The following B4GALT4 variants were observed in gnomAD, a reference collection of about 807,000 sequenced individuals.
B4GALT4 encodes the protein beta-1,4-galactosyltransferase 4.
Under a neutral mutation model 37.3 loss-of-function variants are expected in B4GALT4, and 27 were observed. The ratio of observed to expected loss-of-function variants is 0.72; its 90% CI spans 0.53 to 1.00. B4GALT4 has a LOEUF of 1.00. B4GALT4 is among the 50% of genes least tolerant of loss of function. The pLI is 0.00. For missense variants in B4GALT4, 372 were observed against 413.1 expected, an observed-to-expected ratio of 0.90 and a Z score of 0.86; for synonymous variants, 148 against 154.1, an observed-to-expected ratio of 0.96 and a Z score of 0.29.
intron 6 of B4GALT4, among the ~76,000 whole-genome samples, chr3:119,217,560 G>A (rs1240191243): frequency 6.6e-6 from 1 of 152,200 alleles, no homozygotes; most frequent in East Asian, 1.9e-4. Context: ...TTCCTTTCCA[G>A]CCAGGCACAG....
Position 119,212,704 on chromosome 3 carries a change from T to C in B4GALT4, c.903-23A>G, listed in dbSNP as rs891168711. ...ATCCTAAAGATAAAAAGAACAAATG[T>C]GAATGATAAGAATTTAACATATGTC... On this transcript the variant is annotated intron_variant, in intron 7 of 7. Transcript: ENST00000393765. 1.5e-5 allele frequency: 23 copies of C among 1,566,954 alleles called. No homozygotes were observed. In the Admixed American group the frequency reaches 4.3e-4, roughly 29 times the overall value.
chr3:119,220,723 A>T (rs1013683889), intron 5 of B4GALT4, among the ~76,000 whole-genome samples: 1 of 152,206 alleles, frequency 6.6e-6, no homozygotes, highest in Non-Finnish European at 1.5e-5. Flanking sequence ...TTGTCTCTCC[A>T]CGCCTGTAAT....
At chr3:119,216,202 G>C in intron 7 of B4GALT4, 38 bp downstream of exon 7, 1 of 1,498,066 alleles carries the variant, frequency 6.7e-7, no homozygotes, top group Non-Finnish European at 9.2e-7. Context: ...GAACAGACTA[G>C]GGAGGTAGCC....
At chr3:119,220,802 C>T (rs1325655329) in intron 5 of B4GALT4, among the ~76,000 whole-genome samples, 1 of 152,130 alleles carries the variant, frequency 6.6e-6, no homozygotes, top group Non-Finnish European at 1.5e-5. Context: ...CTGGCTAACA[C>T]TGCGAAACCC....
intron 5 of B4GALT4, among the ~76,000 whole-genome samples, chr3:119,220,560 G>C (rs969630615): frequency 6.6e-6 from 1 of 152,164 alleles, no homozygotes; most frequent in Admixed American, 6.5e-5. Context: ...GATTCAAATA[G>C]GCAGAAAAAT....
intron 5 of B4GALT4, 66 bp from the exon 6 acceptor site, chr3:119,218,838 G>A (rs983282974): frequency 2.5e-6 from 4 of 1,585,946 alleles, no homozygotes; most frequent in African/African-American, 1.3e-5. Flanking sequence ...TTTCAGGGCT[G>A]GCGTTCTAGG....
intron 2 of B4GALT4, among the ~76,000 whole-genome samples, chr3:119,231,517 A>G (rs1004639016): frequency 2.0e-5 from 3 of 152,106 alleles, no homozygotes; most frequent in Non-Finnish European, 4.4e-5. Context: ...AATCACATGG[A>G]AACACTTATG....
chr3:119,224,727 A>T lies in B4GALT4; in HGVS notation c.487-482T>A, dbSNP rs1038421673. ...TACATCGTGTGTTTCACAATTAAAA[A>T]TTTTTTAAAAGCAGCTTTAAAATAC... On this transcript the variant is annotated intron_variant, in intron 4 of 7. Transcript: ENST00000393765. 5.3e-5 allele frequency among the ~76,000 whole-genome samples: 8 copies of T among 152,324 alleles called. No individual in the cohort carries two copies. In the South Asian group the frequency reaches 8.3e-4, roughly 16 times the overall value.
At position 119,238,984 on chromosome 3, in the gene B4GALT4, C is replaced by T. The variant is rs185121166; in HGVS notation, c.-364+1866G>A. Among the ~76,000 whole-genome samples, 139 of 152,286 alleles carry T rather than the reference C, an allele frequency of 9.1e-4. 1 individual carries two copies. The East Asian group carries it at 0.011, about 12-fold the overall frequency. On this transcript the variant is annotated intron_variant, in intron 1 of 7. Coordinates refer to ENST00000393765, the MANE Select transcript of B4GALT4 (RefSeq NM_003778.4). The stretch of plus-strand genomic sequence containing the variant: ...GTGGTCTGTGTTTGAAATGCCTATT[C>T]CCAGGCTCCAGCCCCAGAGATTTTT...
rs567535183 is a variant in B4GALT4 at position 119,239,815 on chromosome 3, T to C, written c.-364+1035A>G. On this transcript the variant is annotated intron_variant, in intron 1 of 7. Coordinates refer to ENST00000393765, the MANE Select transcript of B4GALT4 (RefSeq NM_003778.4). ...CAAAATTCCAAAAACTTCTGAACTA[T>C]ATCCAATCAAGCATTATCTCCTCTC... 3.9e-5 allele frequency among the ~76,000 whole-genome samples: 6 copies of C among 152,178 alleles called. No individual in the cohort carries two copies. The South Asian group carries it at 1.2e-3, about 32-fold the overall frequency.
At chr3:119,229,480 G>A (rs1052239301) in intron 3 of B4GALT4, among the ~76,000 whole-genome samples, 35 of 152,170 alleles carry the variant, frequency 2.3e-4, no homozygotes, top group African/African-American at 7.7e-4. Flanking sequence ...AGTACATAAC[G>A]TATGCTTCCG....
At chr3:119,220,007 G>C (rs1308400204) in intron 5 of B4GALT4, among the ~76,000 whole-genome samples, 1 of 152,142 alleles carries the variant, frequency 6.6e-6, no homozygotes, top group African/African-American at 2.4e-5. Flanking sequence ...TGTAGACACT[G>C]GCCATCAAAC....
At chr3:119,229,795 TTAAA>T in intron 3 of B4GALT4, 48 bp downstream of exon 3, 1 of 1,580,848 alleles carries the variant, frequency 6.3e-7, no homozygotes, top group Non-Finnish European at 8.6e-7. Flanking sequence ...CATATTATAC[TTAAA>T]TAAAAAGTTT....
intron 7 of B4GALT4, chr3:119,214,598 A>G (rs1429755499): frequency 6.6e-6 from 1 of 152,228 alleles, no homozygotes; most frequent in Non-Finnish European, 1.5e-5. Flanking sequence ...CAAGAACTAC[A>G]TCCTGAAGGA....
At position 119,226,800 on chromosome 3, in the gene B4GALT4, C is replaced by T. The variant is rs538832333; in HGVS notation, c.486+9G>A. The T allele has an allele frequency of 6.2e-7, 1 of 1,611,152 alleles. No homozygotes were observed. Among genetic ancestry groups the T allele is most frequent in the Admixed American group, 1.7e-5 (1 of 59,900 alleles). On this transcript the variant is annotated intron_variant, in intron 4 of 7. Coordinates refer to ENST00000393765, the MANE Select transcript of B4GALT4 (RefSeq NM_003778.4). Reference sequence around the variant, plus strand: ...TCGAGGGCAGGCCCTGGTCTGCCCCCACGCTCACCTGGTGGATGACGTAGA... The same window carrying T: ...TCGAGGGCAGGCCCTGGTCTGCCCCTACGCTCACCTGGTGGATGACGTAGA...
intron 6 of B4GALT4, 54 bp from the exon 7 acceptor site, chr3:119,216,398 G>T: frequency 6.2e-6 from 9 of 1,442,404 alleles, no homozygotes; most frequent in East Asian, 2.3e-5. Context: ...CTACCACTAG[G>T]CAAATAAAAA....
intron 5 of B4GALT4, among the ~76,000 whole-genome samples, chr3:119,220,034 G>T (rs1026589751): frequency 2.6e-5 from 4 of 152,174 alleles, no homozygotes; most frequent in African/African-American, 9.7e-5. Flanking sequence ...CATCCCAAAA[G>T]CTAATCTGTA....
rs1296111070 is a variant in B4GALT4, at chr3:119,227,060, AC to A, written c.254-20del. 2.5e-6 allele frequency: 4 copies of A among 1,600,028 alleles called. No homozygotes were observed. In the South Asian group the frequency reaches 4.4e-5, roughly 18 times the overall value. On this transcript the variant is annotated intron_variant, in intron 3 of 7. Coordinates refer to ENST00000393765, the MANE Select transcript of B4GALT4 (RefSeq NM_003778.4). ...TGGCCTCCTACAATGAACATAGGAC[AC>A]AGACAATAACAGTAGCTACTTCAAA...
intron 3 of B4GALT4, among the ~76,000 whole-genome samples, chr3:119,228,428 C>T (rs1308933742): frequency 6.6e-6 from 1 of 152,158 alleles, no homozygotes; most frequent in East Asian, 1.9e-4. Flanking sequence ...ACCTTTAGTC[C>T]AGTACTTGCC....
Sources: gnomAD v4.1 joint callset for allele counts (sites outside exome capture counted in the v4.1 genomes callset) on GRCh38, gnomAD v4.1.1 for gene constraint, MANE v1.5 for transcripts, NCBI Gene and HGNC (gene_info 2026-07-23, HGNC 2026-07-21) for gene names.